Variants in ICAM1 observed in about 807,000 individuals in gnomAD.
ICAM1 encodes ICAM-1.
In ICAM1, 28 loss-of-function variants were observed where a neutral mutation model predicts 42.3. The observed-to-expected ratio is 0.66, with a 90% CI of 0.49 to 0.91. The LOEUF is 0.91. Among genes scored for constraint, ICAM1 ranks in the 40% least tolerant of loss-of-function variants. ICAM1 has a pLI of 0.00. For synonymous variants in ICAM1, 304 were observed against 305.9 expected (o/e 0.99, Z 0.07); for missense variants, 637 against 688.6 (o/e 0.93, Z 0.84).
chr19:10,272,422 C>G lies in ICAM1; in HGVS notation c.67+1196C>G, dbSNP rs141411084. On this transcript the variant is annotated intron_variant, in intron 1 of 6. Transcript: ENST00000264832. ...TATGGAGCCAGTGTCCTCACACCCC[C>G]ATCCAAGATAGAACAAATCTGAGAC... 4.0e-4 allele frequency among the ~76,000 whole-genome samples: 61 copies of G among 152,296 alleles called. 1 individual carries two copies. The East Asian group carries it at 9.6e-3, about 24-fold the overall frequency.
At chr19:10,275,103 T>G in intron 2 of ICAM1, 75 bp downstream of exon 2, 1 of 1,481,828 alleles carries the variant, frequency 6.7e-7, no homozygotes, top group Non-Finnish European at 9.2e-7. Flanking sequence ...TGCAGAGGCC[T>G]GGGGGAATCT....
Position 10,283,465 on chromosome 19 carries a change from C to G in ICAM1, c.332-16C>G. 3.9e-6 allele frequency: 6 copies of G among 1,532,298 alleles called. No individual in the cohort carries two copies. The highest frequency in any genetic ancestry group is 5.3e-6 in the Non-Finnish European group (6 of 1,139,694). 94.9% of individuals were successfully genotyped at this position (1,532,298 alleles called of 1,614,324 possible). A position where few individuals can be genotyped will look rare whatever the true frequency, so the allele number is the denominator to read the frequency against. On this transcript the variant is annotated splice_polypyrimidine_tract_variant and intron_variant, in intron 2 of 6. Coordinates refer to ENST00000264832, the MANE Select transcript of ICAM1 (RefSeq NM_000201.3). ...GGTCCACTTCACCAGACACCCCCAC[C>G]TCTGTTTTCCTGCAGGGACTCCAGA...
intron 2 of ICAM1, among the ~76,000 whole-genome samples, chr19:10,282,536 C>T (rs373280072): frequency 4.1e-4 from 63 of 152,056 alleles, no homozygotes; most frequent in African/African-American, 1.5e-3. Context: ...CGTGAGCCAC[C>T]GCGCCCTGCC....
rs765509208 is a variant in ICAM1, at chr19:10,284,656, G to A, written c.1179G>A (p.Leu393=). The A allele has an allele frequency of 1.2e-5, 19 of 1,613,762 alleles. No individual in the cohort carries two copies. The highest frequency in any genetic ancestry group is 1.4e-5 in the Non-Finnish European group (16 of 1,179,818). ...ACCAGACCCGGGAGCTTCGTGTCCTGTGTGAGTGGGGCTGCTGGTCAATGG... is the reference window on the plus strand; with the variant it reads ...ACCAGACCCGGGAGCTTCGTGTCCTATGTGAGTGGGGCTGCTGGTCAATGG... ...HKNQTRELRV[L]YGPRLDERDC... The change falls in exon 5 of 7, where the codon CTG becomes CTA. Residue 393 remains leucine, a splice_region_variant and synonymous_variant. Coordinates refer to ENST00000264832, the MANE Select transcript of ICAM1 (RefSeq NM_000201.3). The surrounding 1 kb of genome is among the most constrained non-coding windows in gnomAD (Gnocchi z 5.4).
chr19:10,272,450 G>A (rs1404532153), intron 1 of ICAM1, among the ~76,000 whole-genome samples: 2 of 152,030 alleles, frequency 1.3e-5, no homozygotes, highest in Non-Finnish European at 2.9e-5. Context: ...TCTGAGACAG[G>A]AATCTTTGAG....
intron 2 of ICAM1, among the ~76,000 whole-genome samples, chr19:10,277,110 C>T (rs1292839309): frequency 6.6e-6 from 1 of 151,972 alleles, no homozygotes; most frequent in Non-Finnish European, 1.5e-5. Context: ...GGAGAAATGA[C>T]AATATTAGCT....
Position 10,274,778 on chromosome 19 carries a change from C to T in ICAM1, c.81C>T (p.Ala27=). The T allele has an allele frequency of 6.2e-7, 1 of 1,613,452 alleles. No individual in the cohort carries two copies. Among genetic ancestry groups the T allele is most frequent in the Non-Finnish European group, 8.5e-7 (1 of 1,179,488 alleles). ...LGALFPGPGN[A]QTSVSPSKVI... is the part of the protein sequence containing the mutation. ...CGTTTCTTCTAGGACCTGGCAATGCCCAGACATCTGTGTCCCCCTCAAAAG... is the reference window on the plus strand; with the variant it reads ...CGTTTCTTCTAGGACCTGGCAATGCTCAGACATCTGTGTCCCCCTCAAAAG... The change falls in exon 2 of 7, where the codon GCC becomes GCT. Residue 27 remains alanine (A), a synonymous_variant. Coordinates refer to ENST00000264832, the MANE Select transcript of ICAM1 (RefSeq NM_000201.3).
In ICAM1 at chr19:10,284,454, C is replaced by G; in HGVS notation, c.977C>G (p.Thr326Ser). 6.2e-7 allele frequency: 1 copy of G among 1,613,914 alleles called. No individual in the cohort carries two copies. Among genetic ancestry groups the G allele is most frequent in the Non-Finnish European group, 8.5e-7 (1 of 1,180,004 alleles). The change falls in exon 5 of 7, where the codon ACC (threonine) becomes AGC (serine). Residue 326 changes from threonine to serine, a missense_variant. Transcript: ENST00000264832. This position sits in a 1 kb window ranked among gnomAD's most constrained non-coding sequence, Gnocchi z 5.4. ...ILTKPEVSEG[T>S]EVTVKCEAHP... ...ACGAAGCCAGAGGTCTCAGAAGGGA[C>G]CGAGGTGACAGTGAAGTGTGAGGCC...
intron 2 of ICAM1, among the ~76,000 whole-genome samples, chr19:10,279,391 A>G (rs2040039809): frequency 6.6e-6 from 1 of 152,140 alleles, no homozygotes; most frequent in African/African-American, 2.4e-5. Context: ...GAAAAAATAA[A>G]AAAATTAGGG....
rs201771459 is a variant in ICAM1, at chr19:10,284,262, G to A, written c.867G>A (p.Thr289=). The part of the protein sequence containing the change: ...TAEDEGTQRL[T]CAVILGNQSQ... ...AGGACGAGGGCACCCAGCGGCTGACGTGTGCAGTAATACTGGGGAACCAGA... is the reference window on the plus strand; with the variant it reads ...AGGACGAGGGCACCCAGCGGCTGACATGTGCAGTAATACTGGGGAACCAGA... Residue 289 remains threonine, a synonymous_variant, in exon 4 of 7, where the codon ACG becomes ACA. Transcript: ENST00000264832. This position sits in a 1 kb window ranked among gnomAD's most constrained non-coding sequence, Gnocchi z 5.4. 1.8e-4 allele frequency: 297 copies of A among 1,613,940 alleles called. 1 individual carries two copies. Among genetic ancestry groups the A allele is most frequent in the Middle Eastern group, 4.9e-4 (3 of 6,062 alleles).
intron 2 of ICAM1, among the ~76,000 whole-genome samples, chr19:10,277,597 C>T (rs1359577487): frequency 1.3e-5 from 2 of 152,138 alleles, no homozygotes; most frequent in South Asian, 2.1e-4. Context: ...AAGCAATTCT[C>T]CTGCCTCAGC....
intron 1 of ICAM1, among the ~76,000 whole-genome samples, chr19:10,271,939 G>A (rs1003782170): frequency 1.3e-5 from 2 of 152,098 alleles, no homozygotes; most frequent in Non-Finnish European, 2.9e-5. Flanking sequence ...GGTGGTGTAA[G>A]TTTGGGGAAC....
intron 2 of ICAM1, among the ~76,000 whole-genome samples, chr19:10,276,583 C>G (rs1486340573): frequency 3.3e-5 from 5 of 149,272 alleles, no homozygotes; most frequent in Non-Finnish European, 4.4e-5. Flanking sequence ...AACAGCTGTG[C>G]TGCCAAGGCT....
rs757757223 is a variant in ICAM1, at chr19:10,284,509, G to A, written c.1032G>A (p.Gly344=). The change falls in exon 5 of 7, where the codon GGG becomes GGA. Residue 344 remains glycine, a synonymous_variant. Coordinates refer to ENST00000264832, the MANE Select transcript of ICAM1 (RefSeq NM_000201.3). The surrounding 1 kb of genome is among the most constrained non-coding windows in gnomAD (Gnocchi z 5.4). The stretch of plus-strand genomic sequence containing the variant: ...CTAGAGCCAAGGTGACGCTGAATGG[G>A]GTTCCAGCCCAGCCACTGGGCCCGA... ...AHPRAKVTLN[G]VPAQPLGPRA... 1.2e-6 allele frequency: 2 copies of A among 1,614,098 alleles called. No homozygotes were observed. The highest frequency in any genetic ancestry group is 1.3e-5 in the African/African-American group (1 of 75,048).
At chr19:10,276,256 G>T (rs1599265536) in intron 2 of ICAM1, among the ~76,000 whole-genome samples, 2 of 151,032 alleles carry the variant, frequency 1.3e-5, no homozygotes, top group Admixed American at 1.3e-4. Flanking sequence ...ACAAACAAAA[G>T]AATTGATGGC....
rs775418785 is a variant in ICAM1, at chr19:10,285,156, G to A, written c.1468G>A (p.Ala490Thr). 30 of 1,614,012 alleles carry A rather than the reference G, an allele frequency of 1.9e-5. No homozygotes were observed. The highest frequency in any genetic ancestry group is 1.3e-4 in the Admixed American group (8 of 59,998). The change falls in exon 7 of 7, where the codon GCA becomes ACA. Residue 490 changes from alanine to threonine, a missense_variant. Physicochemically the swap from Ala to Thr is moderately conservative, Grantham distance 58 (BLOSUM62 0). Coordinates refer to ENST00000264832, the MANE Select transcript of ICAM1 (RefSeq NM_000201.3). ...TGTCATCATCACTGTGGTAGCAGCC[G>A]CAGTCATAATGGGCACTGCAGGCCT... ...EIVIITVVAA[A>T]VIMGTAGLST...
At chr19:10,277,159 C>G (rs2040023435) in intron 2 of ICAM1, among the ~76,000 whole-genome samples, 1 of 151,820 alleles carries the variant, frequency 6.6e-6, no homozygotes, top group Non-Finnish European at 1.5e-5. Flanking sequence ...TGGGAGAGGG[C>G]TTGGGTGTGG....
In ICAM1 at chr19:10,278,568, TTTTC is replaced by T. The variant is rs1476138110; in HGVS notation, c.331+3544_331+3547del. Among the ~76,000 whole-genome samples the T allele has an allele frequency of 3.1e-4, 31 of 99,932 alleles. 6 individuals carry two copies. Among genetic ancestry groups the T allele is most frequent in the African/African-American group, 6.0e-4 (16 of 26,478 alleles). 65.6% of individuals were successfully genotyped at this position (99,932 alleles called of 152,430 possible). ...TAGGTCTTTTTTTTTTTTTTTTTTT[TTTTC>T]TTTTTTTTGACACACAGTCTTGCTC... On this transcript the variant is annotated intron_variant, in intron 2 of 6. Coordinates refer to ENST00000264832, the MANE Select transcript of ICAM1 (RefSeq NM_000201.3).
chr19:10,276,255 A>G (rs990477722), intron 2 of ICAM1, among the ~76,000 whole-genome samples: 3 of 151,674 alleles, frequency 2.0e-5, no homozygotes, highest in African/African-American at 7.3e-5. Context: ...AACAAACAAA[A>G]GAATTGATGG....
Sources: gnomAD v4.1 joint callset for allele counts (sites outside exome capture counted in the v4.1 genomes callset) on GRCh38, gnomAD v4.1.1 for gene constraint, Gnocchi (gnomAD v3.1) non-coding constraint, MANE v1.5 for transcripts, NCBI Gene and HGNC (gene_info 2026-07-23, HGNC 2026-07-21) for gene names.